Variants in ESYT2 observed in about 807,000 individuals in gnomAD.
ESYT2 encodes extended synaptotagmin 2, also known as extended synaptotagmin-2.
In ESYT2, 54 loss-of-function variants were observed where a neutral mutation model predicts 107.2. The observed-to-expected ratio is 0.50, with a 90% confidence interval of 0.40 to 0.63. ESYT2 has a LOEUF of 0.63. Among genes scored for constraint, ESYT2 ranks in the 30% least tolerant of loss-of-function variants. ESYT2 has a pLI of 0.00. For synonymous variants in ESYT2, 491 were observed against 434.1 expected (o/e 1.13, Z -1.63); for missense variants, 1,020 against 1,094.5 (o/e 0.93, Z 0.96).
Position 158,829,292 on chromosome 7 carries a change from T to G in ESYT2, c.127A>C (p.Ser43Arg), listed in dbSNP as rs1395463104. 1 of 1,510,138 alleles carries G rather than the reference T, an allele frequency of 6.6e-7. No homozygotes were observed. 93.5% of individuals were successfully genotyped at this position (1,510,138 alleles called of 1,614,324 possible). A position where few individuals can be genotyped will look rare whatever the true frequency, so the allele number is the denominator to read the frequency against. ...TACACGGGCAGCAGCAGCGCGAAGC[T>G]CCGCGCCAGCTGCGCCAGCAGCCCG... ...LPGLLAQLAR[S>R]FALLLPVYAL... The change falls in exon 1 of 23, where the codon AGC (serine) becomes CGC (arginine). Residue 43 changes from serine (S) to arginine (R), a missense_variant. Transcript: ENST00000275418.
At chr7:158,771,747 T>C (rs1838380135) in intron 7 of ESYT2, among the ~76,000 whole-genome samples, 1 of 152,204 alleles carries the variant, frequency 6.6e-6, no homozygotes, top group African/African-American at 2.4e-5. Flanking sequence ...CTGTGTCCCA[T>C]GCACGAGCGG....
chr7:158,751,953 C>G lies in ESYT2; in HGVS notation c.1482+828G>C, dbSNP rs546146758. 5.3e-5 allele frequency among the ~76,000 whole-genome samples: 8 copies of G among 152,296 alleles called. 1 individual carries two copies. Among genetic ancestry groups the G allele is most frequent in the African/African-American group, 1.7e-4 (7 of 41,558 alleles). On this transcript the variant is annotated intron_variant, in intron 14 of 22. Coordinates refer to ENST00000275418, the MANE Select transcript of ESYT2 (RefSeq NM_001367773.1). ...CCCCTAGTAACCCACAACTTATCTC[C>G]TTGGTGCAGGACGAAGTGGGGGTTC...
At chr7:158,797,286 C>A (rs948344734) in intron 3 of ESYT2, among the ~76,000 whole-genome samples, 2 of 152,108 alleles carry the variant, frequency 1.3e-5, no homozygotes, top group African/African-American at 4.8e-5. Context: ...TAGTTCTGAC[C>A]ATATACGTGC....
intron 1 of ESYT2, among the ~76,000 whole-genome samples, chr7:158,814,055 C>T (rs1190351555): frequency 2.0e-5 from 3 of 151,830 alleles, no homozygotes; most frequent in African/African-American, 4.8e-5. Context: ...AGGTGGATCA[C>T]GAGGTCAGGA....
intron 6 of ESYT2, 144 bp downstream of exon 6, chr7:158,787,860 C>T: frequency 1.7e-6 from 1 of 605,252 alleles, no homozygotes; most frequent in Non-Finnish European, 2.9e-6. Context: ...CAAAGAAATA[C>T]AAAAAACTCC....
chr7:158,775,207 C>T (rs1280524454), intron 6 of ESYT2, among the ~76,000 whole-genome samples: 1 of 152,146 alleles, frequency 6.6e-6, no homozygotes, highest in Non-Finnish European at 1.5e-5. Flanking sequence ...CTAAAAAATG[C>T]TAACGATCAC....
In ESYT2 at chr7:158,731,294, GGCT is replaced by G. The variant is rs1194896663; in HGVS notation, c.*2910_*2912del. On this transcript the variant is annotated 3_prime_UTR_variant, in exon 23 of 23. Coordinates refer to ENST00000275418, the MANE Select transcript of ESYT2 (RefSeq NM_001367773.1). ...ATTATCATGGTAAATACAGTTACAA[GGCT>G]GCTTCTATTTTATTTATTTTTTGAG... 3.3e-5 allele frequency: 5 copies of G among 152,216 alleles called. No homozygotes were observed. Among genetic ancestry groups the G allele is most frequent in the African/African-American group, 9.7e-5 (4 of 41,434 alleles). The allele number at this position is 152,216 out of a possible 1,614,324, so 9.4% of individuals were successfully genotyped here.
At chr7:158,772,293 A>C (rs1838401080) in intron 7 of ESYT2, among the ~76,000 whole-genome samples, 1 of 152,188 alleles carries the variant, frequency 6.6e-6, no homozygotes, top group Non-Finnish European at 1.5e-5. Context: ...AAACCACAGC[A>C]CCTAAAAAGG....
At chr7:158,734,841 C>T (rs1402811445) in intron 21 of ESYT2, among the ~76,000 whole-genome samples, 1 of 152,162 alleles carries the variant, frequency 6.6e-6, no homozygotes, top group Non-Finnish European at 1.5e-5. Flanking sequence ...AGATCTTTTA[C>T]CACTTCTTCT....
At chr7:158,774,815 C>G (rs1424289469) in intron 6 of ESYT2, among the ~76,000 whole-genome samples, 1 of 152,176 alleles carries the variant, frequency 6.6e-6, no homozygotes, top group Non-Finnish European at 1.5e-5. Context: ...TCACACAGCG[C>G]ACCATCAGAG....
At chr7:158,818,764 G>A (rs1840212858) in intron 1 of ESYT2, among the ~76,000 whole-genome samples, 1 of 152,228 alleles carries the variant, frequency 6.6e-6, no homozygotes, top group Non-Finnish European at 1.5e-5. Flanking sequence ...AGTTGGACCT[G>A]ACTCACCCAA....
chr7:158,759,364 G>A (rs1837880624), intron 13 of ESYT2, 122 bp downstream of exon 13: 13 of 717,770 alleles, frequency 1.8e-5, no homozygotes, highest in South Asian at 6.4e-5. Context: ...GCACTTGGAC[G>A]TGAAGTGAAA....
At chr7:158,756,792 C>T (rs1024330262) in intron 13 of ESYT2, among the ~76,000 whole-genome samples, 1 of 151,436 alleles carries the variant, frequency 6.6e-6, no homozygotes, top group Non-Finnish European at 1.5e-5. Context: ...GCCTGTAATC[C>T]CAGCTACTCG....
At chr7:158,790,030 A>AGTCCTCCTGGGGGCGGAGC (rs879339055) in intron 4 of ESYT2, among the ~76,000 whole-genome samples, 65 of 116,728 alleles carry the variant, frequency 5.6e-4, no homozygotes, top group African/African-American at 1.1e-3. Context: ...CAGTGGGGAG[A>AGTCCTCCTGGGGGCGGAGC]GTCCTCCTGG....
At chr7:158,798,215 T>C in intron 2 of ESYT2, 139 bp from the exon 3 acceptor site, 2 of 863,786 alleles carry the variant, frequency 2.3e-6, no homozygotes, top group Non-Finnish European at 3.5e-6. Context: ...TTATGCAAAA[T>C]CAACATGATC....
intron 3 of ESYT2, among the ~76,000 whole-genome samples, chr7:158,794,702 G>A (rs953957665): frequency 7.2e-6 from 1 of 138,012 alleles, no homozygotes; most frequent in African/African-American, 3.0e-5. Context: ...CACTGAGCCC[G>A]GGGGGGTAAG....
chr7:158,808,077 G>A (rs1231425604), intron 1 of ESYT2, among the ~76,000 whole-genome samples: 1 of 152,080 alleles, frequency 6.6e-6, no homozygotes, highest in African/African-American at 2.4e-5. Flanking sequence ...CTTAACATTG[G>A]GGTAACTAAA....
chr7:158,782,224 TGTGA>T (rs756556326), intron 6 of ESYT2, among the ~76,000 whole-genome samples: 15 of 73,882 alleles, frequency 2.0e-4, no homozygotes, highest in Non-Finnish European at 4.0e-4. Flanking sequence ...TGAGAACAGA[TGTGA>T]GTGTAACAAC....
At chr7:158,764,342 C>A (rs1199554613) in intron 9 of ESYT2, among the ~76,000 whole-genome samples, 1 of 152,162 alleles carries the variant, frequency 6.6e-6, no homozygotes, top group African/African-American at 2.4e-5. Context: ...ATATAACTAA[C>A]CTCATTTTTG....
Sources: allele counts gnomAD v4.1 joint callset (sites outside exome capture counted in the v4.1 genomes callset), GRCh38; gene constraint gnomAD v4.1.1; transcripts MANE v1.5; gene names NCBI Gene and HGNC (gene_info 2026-07-23, HGNC 2026-07-21).